Variants in CERK observed in about 807,000 individuals in gnomAD.
CERK encodes acylsphingosine kinase.
Under a neutral mutation model 63.4 loss-of-function variants are expected in CERK, and 39 were observed. The ratio of observed to expected loss-of-function variants is 0.61; its 90% CI spans 0.48 to 0.80. The LOEUF is 0.80. Among genes scored for constraint, CERK ranks in the 30% least tolerant of loss-of-function variants. The pLI is 0.00. For missense variants in CERK, 670 were observed against 714.1 expected (o/e 0.94, Z 0.70); for synonymous variants, 302 against 280.0 (o/e 1.08, Z -0.78).
chr22:46,738,008 C>A lies in CERK; in HGVS notation c.141G>T (p.Ala47=), dbSNP rs1156456760. The A allele has an allele frequency of 5.1e-6, 6 of 1,181,184 alleles. No individual in the cohort carries two copies. The highest frequency in any genetic ancestry group is 3.8e-5 in the South Asian group (1 of 26,120). 73.2% of individuals were successfully genotyped at this position (1,181,184 alleles called of 1,614,324 possible). The change falls in exon 1 of 13, where the codon GCG becomes GCT. Residue 47 remains alanine, a splice_region_variant and synonymous_variant. Coordinates refer to ENST00000216264, the MANE Select transcript of CERK (RefSeq NM_022766.6). ...SPGPGAGAPG[A]DACSVPVSEI... ...AACCCGGGCGGCGGCGACACTCACC[C>A]GCGCCGGGGGCGCCGGCTCCGGGCC...
At chr22:46,718,741 CA>C (rs2082877890) in intron 3 of CERK, among the ~76,000 whole-genome samples, 1 of 152,172 alleles carries the variant, frequency 6.6e-6, no homozygotes, top group Admixed American at 6.6e-5. Flanking sequence ...AAACACATGC[CA>C]TTTCTATTCT....
intron 1 of CERK, among the ~76,000 whole-genome samples, chr22:46,724,379 G>A (rs1471569790): frequency 6.6e-6 from 1 of 152,220 alleles, no homozygotes; most frequent in Non-Finnish European, 1.5e-5. Context: ...GGAGTCAAAA[G>A]TTTTCAACTG....
In CERK at chr22:46,690,062, A is replaced by T. The variant is rs771755664; in HGVS notation, c.1471T>A (p.Cys491Ser). 4 of 1,613,686 alleles carry T rather than the reference A, an allele frequency of 2.5e-6. No individual in the cohort carries two copies. ...GHICSSHPSC[C>S]CTVSNSSWNC... ...CAGGAGCTGTTGGAGACGGTGCAGCAGCAGGAGGGGTGGCTGCTGCAAATG... is the reference window on the plus strand; with the variant it reads ...CAGGAGCTGTTGGAGACGGTGCAGCTGCAGGAGGGGTGGCTGCTGCAAATG... The change falls in exon 12 of 13, where the codon TGC becomes AGC. Residue 491 changes from cysteine to serine, a missense_variant. Physicochemically the swap from Cys to Ser is moderately radical, Grantham distance 112. Transcript: ENST00000216264.
At chr22:46,717,750 G>A (rs559751107) in intron 3 of CERK, among the ~76,000 whole-genome samples, 13 of 152,312 alleles carry the variant, frequency 8.5e-5, no homozygotes, top group South Asian at 2.1e-4. Context: ...TGTGCTCAGC[G>A]TGAAAATTCA....
intron 3 of CERK, among the ~76,000 whole-genome samples, chr22:46,719,870 G>A (rs2082883577): frequency 6.6e-6 from 1 of 152,230 alleles, no homozygotes; most frequent in Admixed American, 6.5e-5. Context: ...GTGAGCAGGG[G>A]GCTGGACTCC....
intron 6 of CERK, among the ~76,000 whole-genome samples, chr22:46,707,000 C>T (rs540983458): frequency 1.2e-4 from 19 of 152,228 alleles, no homozygotes; most frequent in Non-Finnish European, 1.9e-4. Flanking sequence ...GCCTGTCCCT[C>T]GTGAGGGCTA....
Position 46,712,154 on chromosome 22 carries a change from A to G in CERK, c.505+14T>C. 6 of 1,613,796 alleles carry G rather than the reference A, an allele frequency of 3.7e-6. No individual in the cohort carries two copies. In the African/African-American group the frequency reaches 6.7e-5, roughly 18 times the overall value. ...TCAAACTTACTTCTACATAGTTAAC[A>G]TAGAATTTGTTACCGATGATGTCAG... On this transcript the variant is annotated intron_variant, in intron 4 of 12. Transcript: ENST00000216264.
At chr22:46,720,609 T>C (rs1189273736) in intron 2 of CERK, among the ~76,000 whole-genome samples, 1 of 151,996 alleles carries the variant, frequency 6.6e-6, no homozygotes, top group Non-Finnish European at 1.5e-5. Flanking sequence ...GGCAGGAGAA[T>C]TGCTTGAACC....
intron 8 of CERK, among the ~76,000 whole-genome samples, chr22:46,695,798 C>G (rs1432592482): frequency 6.6e-6 from 1 of 152,232 alleles, no homozygotes; most frequent in East Asian, 1.9e-4. Context: ...CGCTGCCACC[C>G]AAAGTCTGGG....
At chr22:46,711,888 A>AACCAG (rs538167863) in intron 4 of CERK, among the ~76,000 whole-genome samples, 236 of 152,232 alleles carry the variant, frequency 1.6e-3, no homozygotes, top group African/African-American at 5.5e-3. Flanking sequence ...AGGGGTTCGA[A>AACCAG]ACCAGCCTAA....
chr22:46,702,990 A>C (rs955136667), intron 6 of CERK, among the ~76,000 whole-genome samples: 1 of 152,160 alleles, frequency 6.6e-6, no homozygotes, highest in East Asian at 1.9e-4. Flanking sequence ...TCACGCGAGA[A>C]GGACGGGGCT....
chr22:46,693,566 G>A, intron 9 of CERK, 63 bp from the exon 10 acceptor site: 1 of 1,296,820 alleles, frequency 7.7e-7, no homozygotes, highest in Non-Finnish European at 1.1e-6. Context: ...CGTATGCTTG[G>A]CACATATAGA....
At position 46,712,402 on chromosome 22, in the gene CERK, T is replaced by G. The variant is rs940971119; in HGVS notation, c.380-109A>C. 7 of 888,972 alleles carry G rather than the reference T, an allele frequency of 7.9e-6. No individual in the cohort carries two copies. In the African/African-American group the frequency reaches 1.2e-4, roughly 15 times the overall value. 55.1% of individuals were successfully genotyped at this position (888,972 alleles called of 1,614,324 possible). ...AGGGTTTTAGAATTCTGCTTAGTAT[T>G]ACCTGATGGAAAGTATTTTTAAATC... On this transcript the variant is annotated intron_variant, in intron 3 of 12. Coordinates refer to ENST00000216264, the MANE Select transcript of CERK (RefSeq NM_022766.6).
At chr22:46,698,357 G>A (rs922108230) in intron 8 of CERK, among the ~76,000 whole-genome samples, 2 of 152,238 alleles carry the variant, frequency 1.3e-5, no homozygotes, top group African/African-American at 2.4e-5. Context: ...TCATGGACAC[G>A]TCCCTGCCTC....
At chr22:46,723,874 T>C (rs2082904945) in intron 1 of CERK, among the ~76,000 whole-genome samples, 2 of 152,054 alleles carry the variant, frequency 1.3e-5, no homozygotes, top group South Asian at 4.2e-4. Context: ...ACTTTTGTAC[T>C]TTTAGTAGAG....
At chr22:46,696,849 C>G (rs1194829745) in intron 8 of CERK, among the ~76,000 whole-genome samples, 2 of 151,924 alleles carry the variant, frequency 1.3e-5, no homozygotes, top group Non-Finnish European at 2.9e-5. Flanking sequence ...AAGGGGGGGG[C>G]CAGGCATGCA....
chr22:46,714,420 G>C lies in CERK; in HGVS notation c.380-2127C>G, dbSNP rs1175194778. Among the ~76,000 whole-genome samples the C allele has an allele frequency of 6.6e-6, 1 of 152,150 alleles. No individual in the cohort carries two copies. Among genetic ancestry groups the C allele is most frequent in the African/African-American group, 2.4e-5 (1 of 41,438 alleles). The stretch of plus-strand genomic sequence containing the variant: ...GGTCGTGCCACTGCACTCCAGCCTG[G>C]GCTACAGAGTGAGACATTACTCCAG... On this transcript the variant is annotated intron_variant, in intron 3 of 12. Coordinates refer to ENST00000216264, the MANE Select transcript of CERK (RefSeq NM_022766.6). This position sits in a 1 kb window ranked among gnomAD's most constrained non-coding sequence, Gnocchi z 4.4.
rs148933568 is a variant in CERK, at chr22:46,713,110, T to C, written c.380-817A>G. On this transcript the variant is annotated intron_variant, in intron 3 of 12. Transcript: ENST00000216264. ...CCACATTTCTGTTTTGGTGGGTTCATGTGACTCTGCTACTTAAAAGAACAC... is the reference window on the plus strand; with the variant it reads ...CCACATTTCTGTTTTGGTGGGTTCACGTGACTCTGCTACTTAAAAGAACAC... Among the ~76,000 whole-genome samples the C allele has an allele frequency of 5.2e-4, 79 of 152,254 alleles. 1 individual carries two copies. Among genetic ancestry groups the C allele is most frequent in the African/African-American group, 1.8e-3 (74 of 41,552 alleles).
rs570591645 is a variant in CERK, at chr22:46,695,081, C to A, written c.1049+129G>T. The A allele has an allele frequency of 1.2e-4, 72 of 602,662 alleles. No individual in the cohort carries two copies. In the Middle Eastern group the frequency reaches 1.8e-3, roughly 15 times the overall value. 37.3% of individuals were successfully genotyped at this position (602,662 alleles called of 1,614,324 possible). On this transcript the variant is annotated intron_variant, in intron 9 of 12. Coordinates refer to ENST00000216264, the MANE Select transcript of CERK (RefSeq NM_022766.6). ...AGGCCATCATGGGCATCATAGGCAT[C>A]GTGTGTCTGGGCACGCTACATCCGG...
Sources: gnomAD v4.1 joint callset for allele counts (sites outside exome capture counted in the v4.1 genomes callset) on GRCh38, gnomAD v4.1.1 for gene constraint, Gnocchi (gnomAD v3.1) non-coding constraint, MANE v1.5 for transcripts, NCBI Gene and HGNC (gene_info 2026-07-23, HGNC 2026-07-21) for gene names.